The following ASS1 variants were observed in gnomAD, a reference collection of about 807,000 sequenced individuals.
The protein encoded by ASS1 is argininosuccinate synthase.
Under a neutral mutation model 60.5 loss-of-function variants are expected in ASS1, and 58 were observed. That is an observed-to-expected ratio of 0.96 (90% CI 0.78 to 1.19). The LOEUF (loss-of-function observed/expected upper bound fraction) is 1.19. Ranked by LOEUF, ASS1 falls within the 50% of genes most tolerant of loss-of-function variation. ASS1 has a pLI of 0.00. For synonymous variants in ASS1, 200 were observed against 206.9 expected, an observed-to-expected ratio of 0.97 and a Z score of 0.29; for missense variants, 454 against 547.3, an observed-to-expected ratio of 0.83 and a Z score of 1.70.
In ASS1 at chr9:130,495,824, A is replaced by T. The variant is rs117531042; in HGVS notation, c.1127+801A>T. ...ATATCTAGGAGGAGGGATTGAAATGACTTGGATGTGGAGGGAGATGGAGGG... is the reference window on the plus strand; with the variant it reads ...ATATCTAGGAGGAGGGATTGAAATGTCTTGGATGTGGAGGGAGATGGAGGG... On this transcript the variant is annotated intron_variant, in intron 13 of 14. Coordinates refer to ENST00000352480, the MANE Select transcript of ASS1 (RefSeq NM_054012.4). Among the ~76,000 whole-genome samples the T allele has an allele frequency of 9.6e-3, 1,465 of 152,140 alleles. 11 individuals are homozygous for T. The highest frequency in any genetic ancestry group is 0.023 in the Admixed American group (346 of 15,282).
In ASS1 at chr9:130,476,985, C is replaced by A; in HGVS notation, c.688+24C>A. On this transcript the variant is annotated intron_variant, in intron 9 of 14. Coordinates refer to ENST00000352480, the MANE Select transcript of ASS1 (RefSeq NM_054012.4). This position sits in a 1 kb window ranked among gnomAD's most constrained non-coding sequence, Gnocchi z 4.9. ...AGGTATGTGCCCACCTGTTGGGACT[C>A]GAAGGGGGTTGACTTTTGGGGCCCT... The A allele has an allele frequency of 6.2e-7, 1 of 1,606,396 alleles. No homozygotes were observed.
intron 4 of ASS1, 33 bp from the exon 5 acceptor site, chr9:130,464,078 T>C (rs1845668632): frequency 1.2e-6 from 2 of 1,613,244 alleles, no homozygotes; most frequent in Non-Finnish European, 1.7e-6. Flanking sequence ...CCCCATCCTG[T>C]GGCTCCTGAC....
chr9:130,466,826 C>T (rs939584989), intron 6 of ASS1, 27 bp downstream of exon 6: 2 of 1,610,192 alleles, frequency 1.2e-6, no homozygotes, highest in African/African-American at 1.3e-5. Context: ...CCACCACCCC[C>T]AACCTTTCCC....
rs1287527109 is a variant in ASS1 at position 130,488,193 on chromosome 9, G to A, written c.839-1140G>A. ...GATTAATGCTGCTATGAACATGAGT[G>A]TACAAATCCTTTCTGGGTTTTTTTC... On this transcript the variant is annotated intron_variant, in intron 11 of 14. Coordinates refer to ENST00000352480, the MANE Select transcript of ASS1 (RefSeq NM_054012.4). The surrounding 1 kb of genome is among the most constrained non-coding windows in gnomAD (Gnocchi z 5.2). Among the ~76,000 whole-genome samples, 1 of 149,630 alleles carries A rather than the reference G, an allele frequency of 6.7e-6. No homozygotes were observed. Among genetic ancestry groups the A allele is most frequent in the African/African-American group, 2.4e-5 (1 of 40,938 alleles).
rs1845348942 is a variant in ASS1, at chr9:130,452,398, C to A, written c.105+65C>A. 2.1e-6 allele frequency: 3 copies of A among 1,405,810 alleles called. No individual in the cohort carries two copies. The African/African-American group carries it at 4.2e-5, about 20-fold the overall frequency. The allele number at this position is 1,405,810 out of a possible 1,614,324, so 87.1% of individuals were successfully genotyped here. ...TGCAACCTGTCCTGTCTGCCCCCTGCCAGCCTCTGTCTGGGTTGTCAGCCT... is the reference window on the plus strand; with the variant it reads ...TGCAACCTGTCCTGTCTGCCCCCTGACAGCCTCTGTCTGGGTTGTCAGCCT... On this transcript the variant is annotated intron_variant, in intron 2 of 14. Transcript: ENST00000352480.
rs1845507511 is a variant in ASS1, at chr9:130,458,604, A to G, written c.363+15A>G. The G allele has an allele frequency of 6.2e-7, 1 of 1,610,540 alleles. No individual in the cohort carries two copies. The highest frequency in any genetic ancestry group is 1.1e-5 in the South Asian group (1 of 90,720). On this transcript the variant is annotated intron_variant, in intron 4 of 14. Transcript: ENST00000352480. The stretch of plus-strand genomic sequence containing the variant: ...CCACAGGAAAGGTGAGGCACCTGGG[A>G]AGGGCCGGGCAGAGGGAGATGGAGG...
chr9:130,495,468 C>T (rs1394957809), intron 13 of ASS1, among the ~76,000 whole-genome samples: 152 of 102,232 alleles, frequency 1.5e-3, no homozygotes, highest in Middle Eastern at 4.5e-3. Context: ...TATACACATA[C>T]ATATACACAC....
intron 1 of ASS1, among the ~76,000 whole-genome samples, chr9:130,446,444 C>T (rs1318615598): frequency 6.6e-6 from 1 of 151,814 alleles, no homozygotes; most frequent in Non-Finnish European, 1.5e-5. Context: ...GGGGTGGGGG[C>T]GGGACCCTGT....
At chr9:130,453,954 A>G (rs1488257298) in intron 2 of ASS1, among the ~76,000 whole-genome samples, 1 of 152,244 alleles carries the variant, frequency 6.6e-6, no homozygotes, top group Non-Finnish European at 1.5e-5. Flanking sequence ...TGGCTGAGAA[A>G]GAGTTTTCTG....
intron 1 of ASS1, among the ~76,000 whole-genome samples, chr9:130,451,244 T>G (rs908495041): frequency 6.6e-6 from 1 of 152,052 alleles, no homozygotes; most frequent in Non-Finnish European, 1.5e-5. Flanking sequence ...GAGGCTTCAT[T>G]GTGACGGAGG....
Position 130,454,330 on chromosome 9 carries a change from T to C in ASS1, c.131T>C (p.Phe44Ser). ...YLANIGQKED[F>S]EEARKKALKL... Reference sequence around the variant, plus strand: ...GCCAACATTGGCCAGAAGGAAGACTTCGAGGAAGCCAGGAAGAAGGCACTG... The same window carrying C: ...GCCAACATTGGCCAGAAGGAAGACTCCGAGGAAGCCAGGAAGAAGGCACTG... Residue 44 changes from phenylalanine to serine, a missense_variant, in exon 3 of 15, where the codon TTC becomes TCC. Physicochemically the swap from Phe to Ser is radical, Grantham distance 155 (BLOSUM62 -2). Coordinates refer to ENST00000352480, the MANE Select transcript of ASS1 (RefSeq NM_054012.4). The C allele has an allele frequency of 6.2e-7, 1 of 1,613,038 alleles. No individual in the cohort carries two copies. Among genetic ancestry groups the C allele is most frequent in the Non-Finnish European group, 8.5e-7 (1 of 1,179,802 alleles).
At chr9:130,495,444 C>T (rs1465102316) in intron 13 of ASS1, among the ~76,000 whole-genome samples, 1 of 139,752 alleles carries the variant, frequency 7.2e-6, no homozygotes, top group African/African-American at 2.6e-5. Context: ...CACACACATA[C>T]ATATATATAT....
intron 6 of ASS1, among the ~76,000 whole-genome samples, chr9:130,469,953 G>C (rs1229988588): frequency 3.3e-5 from 5 of 152,226 alleles, no homozygotes; most frequent in Admixed American, 3.3e-4. Flanking sequence ...TGGCTCTGAG[G>C]GGCTGGGTGG....
intron 2 of ASS1, among the ~76,000 whole-genome samples, chr9:130,453,850 C>T (rs898604684): frequency 5.9e-5 from 9 of 152,228 alleles, no homozygotes; most frequent in South Asian, 2.1e-4. Flanking sequence ...CTCTGCCTCC[C>T]GCCTCTCAGC....
Position 130,489,140 on chromosome 9 carries a change from G to C in ASS1, c.839-193G>C, listed in dbSNP as rs766464812. On this transcript the variant is annotated intron_variant, in intron 11 of 14. Transcript: ENST00000352480. This position sits in a 1 kb window ranked among gnomAD's most constrained non-coding sequence, Gnocchi z 4.1. ...TTCTCCACAAGCCGCAGAGTGGACT[G>C]TCGTGGCCCCAGCATGAACATAATG... is the stretch of plus-strand genomic sequence containing the variant. 6.6e-6 allele frequency among the ~76,000 whole-genome samples: 1 copy of C among 152,134 alleles called. No homozygotes were observed. The highest frequency in any genetic ancestry group is 1.5e-5 in the Non-Finnish European group (1 of 68,020).
intron 11 of ASS1, 63 bp downstream of exon 11, chr9:130,480,512 G>T (rs1335312947): frequency 1.3e-6 from 2 of 1,575,588 alleles, no homozygotes; most frequent in Non-Finnish European, 8.7e-7. Flanking sequence ...AGATCCCTGA[G>T]ACCCTGTCCC....
intron 1 of ASS1, among the ~76,000 whole-genome samples, chr9:130,450,710 G>A (rs578241781): frequency 6.6e-6 from 1 of 152,226 alleles, no homozygotes; most frequent in Non-Finnish European, 1.5e-5. Flanking sequence ...AGCAGAGGAC[G>A]GGAGGCCTGG....
chr9:130,454,231 C>T (rs1309191064), intron 2 of ASS1, 74 bp from the exon 3 acceptor site: 1 of 1,462,460 alleles, frequency 6.8e-7, no homozygotes, highest in Non-Finnish European at 9.4e-7. Flanking sequence ...GGGTGGGAGG[C>T]TGCTGCATGC....
intron 10 of ASS1, 27 bp downstream of exon 10, chr9:130,479,827 T>C (rs1846123092): frequency 6.2e-7 from 1 of 1,604,678 alleles, no homozygotes; most frequent in Non-Finnish European, 8.5e-7. Context: ...CTGTCCGGCC[T>C]CTTGGGAACC....
Sources: allele counts gnomAD v4.1 joint callset (sites outside exome capture counted in the v4.1 genomes callset), GRCh38; gene constraint gnomAD v4.1.1; non-coding constraint Gnocchi (gnomAD v3.1); transcripts MANE v1.5; gene names NCBI Gene and HGNC (gene_info 2026-07-23, HGNC 2026-07-21).